The following DNAH7 variants were observed in gnomAD, a reference collection of about 807,000 sequenced individuals.
The protein encoded by DNAH7 is dynein axonemal heavy chain 7.
A neutral mutation model predicts 444.6 loss-of-function variants in DNAH7; 397 were observed. That is an observed-to-expected ratio of 0.89 (90% CI 0.82 to 0.97). The LOEUF is 0.97. Ranked by LOEUF, DNAH7 falls within the 50% of genes least tolerant of loss-of-function variation. The probability of loss-of-function intolerance (pLI) is 0.00; values close to 1 mark genes in which losing one functional copy is unlikely to be tolerated. For missense variants in DNAH7, 4,902 were observed against 4,800.8 expected, an observed-to-expected ratio of 1.02 and a Z score of -0.62; for synonymous variants, 1,636 against 1,624.4, an observed-to-expected ratio of 1.01 and a Z score of -0.17.
At chr2:196,058,437 G>T (rs1697944880) in intron 1 of DNAH7, among the ~76,000 whole-genome samples, 1 of 152,158 alleles carries the variant, frequency 6.6e-6, no homozygotes, top group Non-Finnish European at 1.5e-5. Context: ...CCGCACCCAG[G>T]ACTCTCCCAG....
intron 16 of DNAH7, among the ~76,000 whole-genome samples, chr2:195,971,877 G>C (rs1414967781): frequency 6.6e-6 from 1 of 152,012 alleles, no homozygotes; most frequent in Non-Finnish European, 1.5e-5. Flanking sequence ...ATTTCATCAA[G>C]GGAGCTTTGA....
intron 48 of DNAH7, among the ~76,000 whole-genome samples, chr2:195,832,454 T>C (rs1447124280): frequency 2.6e-5 from 4 of 151,992 alleles, no homozygotes; most frequent in Non-Finnish European, 5.9e-5. Context: ...CTTTTTTTTT[T>C]TTCTTTGAGA....
At chr2:195,739,414 C>T (rs917481642) in intron 64 of DNAH7, among the ~76,000 whole-genome samples, 2 of 150,598 alleles carry the variant, frequency 1.3e-5, no homozygotes. Flanking sequence ...AATCCCACTG[C>T]CTATATTTTA....
intron 64 of DNAH7, among the ~76,000 whole-genome samples, chr2:195,739,612 C>A (rs1692867853): frequency 6.6e-6 from 1 of 152,186 alleles, no homozygotes; most frequent in Non-Finnish European, 1.5e-5. Flanking sequence ...TTCACATTTT[C>A]AAGTCAAAGT....
intron 24 of DNAH7, among the ~76,000 whole-genome samples, chr2:195,912,940 G>A (rs182625593): frequency 5.3e-5 from 8 of 152,134 alleles, no homozygotes; most frequent in Non-Finnish European, 1.0e-4. Flanking sequence ...AAATTGGATG[G>A]GAGCTATTAT....
At position 196,025,421 on chromosome 2, in the gene DNAH7, C is replaced by T. The variant is rs531269203; in HGVS notation, c.668-917G>A. Among the ~76,000 whole-genome samples, 18 of 152,210 alleles carry T rather than the reference C, an allele frequency of 1.2e-4. No individual in the cohort carries two copies. The East Asian group carries it at 1.4e-3, about 11-fold the overall frequency. ...TCAGAGACTCTCCTTTACCTTTAAG[C>T]GCTCTAAAAAGGCATATAAAGCCCT... On this transcript the variant is annotated intron_variant, in intron 7 of 64. Coordinates refer to ENST00000312428, the MANE Select transcript of DNAH7 (RefSeq NM_018897.3).
intron 57 of DNAH7, among the ~76,000 whole-genome samples, chr2:195,789,508 C>G (rs1207686153): frequency 6.6e-6 from 1 of 152,060 alleles, no homozygotes; most frequent in Non-Finnish European, 1.5e-5. Flanking sequence ...TGGGTTGGGG[C>G]TGGATTTTGA....
intron 28 of DNAH7, among the ~76,000 whole-genome samples, chr2:195,900,032 A>C (rs985449474): frequency 6.6e-6 from 1 of 152,206 alleles, no homozygotes; most frequent in African/African-American, 2.4e-5. Flanking sequence ...CTCAGGAGTA[A>C]GCAATTTTAT....
chr2:196,050,448 A>G lies in DNAH7; in HGVS notation c.141+739T>C, dbSNP rs530527377. Reference sequence around the variant, plus strand: ...AATAATTATACAACAATGTGAATGTACTGAATGTCACTGAATACTTAAAAA... The same window carrying G: ...AATAATTATACAACAATGTGAATGTGCTGAATGTCACTGAATACTTAAAAA... On this transcript the variant is annotated intron_variant, in intron 3 of 64. Transcript: ENST00000312428. 3.3e-5 allele frequency among the ~76,000 whole-genome samples: 5 copies of G among 152,304 alleles called. No homozygotes were observed. In the East Asian group the frequency reaches 9.6e-4, roughly 29 times the overall value.
At chr2:196,038,089 C>T (rs1348422491) in intron 5 of DNAH7, among the ~76,000 whole-genome samples, 2 of 151,394 alleles carry the variant, frequency 1.3e-5, no homozygotes, top group East Asian at 3.9e-4. Flanking sequence ...AAGACCAAGA[C>T]AGAATAAGAC....
chr2:196,036,523 G>T (rs1696402595), intron 5 of DNAH7, among the ~76,000 whole-genome samples: 1 of 152,170 alleles, frequency 6.6e-6, no homozygotes, highest in South Asian at 2.1e-4. Context: ...ACCAAAGTGT[G>T]TACTCCCCAG....
chr2:195,873,668 G>C lies in DNAH7; in HGVS notation c.6313C>G (p.Arg2105Gly). 1 of 1,533,774 alleles carries C rather than the reference G, an allele frequency of 6.5e-7. No homozygotes were observed. The highest frequency in any genetic ancestry group is 8.7e-7 in the Non-Finnish European group (1 of 1,147,894). ...PGGGRNPVTP[R>G]YMRHFNIITI... ...ATAATATTGAAATGTCGCATGTATCGAGGAGTTACTGGATTTCGACCACCA... is the reference window on the plus strand; with the variant it reads ...ATAATATTGAAATGTCGCATGTATCCAGGAGTTACTGGATTTCGACCACCA... Residue 2105 changes from arginine (R) to glycine (G), a missense_variant, in exon 39 of 65, where the codon CGA becomes GGA. Coordinates refer to ENST00000312428, the MANE Select transcript of DNAH7 (RefSeq NM_018897.3).
intron 3 of DNAH7, among the ~76,000 whole-genome samples, chr2:196,049,935 AG>A (rs1337074503): frequency 6.6e-6 from 1 of 152,244 alleles, no homozygotes; most frequent in African/African-American, 2.4e-5. Flanking sequence ...GGGATTTTGC[AG>A]AACTAGAGAA....
At chr2:196,025,196 C>T (rs1322060127) in intron 7 of DNAH7, among the ~76,000 whole-genome samples, 2 of 152,024 alleles carry the variant, frequency 1.3e-5, no homozygotes, top group African/African-American at 2.4e-5. Context: ...CCTGTGGATA[C>T]CAAGGAACAA....
chr2:195,934,817 T>C, intron 20 of DNAH7, 28 bp from the exon 21 acceptor site: 2 of 1,610,220 alleles, frequency 1.2e-6, no homozygotes, highest in Non-Finnish European at 1.7e-6. Flanking sequence ...TTTAAGATAA[T>C]TAACCAAGTT....
At chr2:195,961,714 A>G (rs2125534419) in intron 17 of DNAH7, among the ~76,000 whole-genome samples, 1 of 152,332 alleles carries the variant, frequency 6.6e-6, no homozygotes, top group East Asian at 1.9e-4. Context: ...TTGTCTGTCT[A>G]GACACATTGA....
intron 1 of DNAH7, among the ~76,000 whole-genome samples, chr2:196,060,179 C>A (rs147917706): frequency 0.044 from 6,696 of 152,160 alleles, 340 homozygotes; most frequent in African/African-American, 0.12. Flanking sequence ...GATTGAGCCA[C>A]TGCACTCCAG....
At chr2:195,802,512 T>C (rs1406477853) in intron 54 of DNAH7, among the ~76,000 whole-genome samples, 1 of 151,854 alleles carries the variant, frequency 6.6e-6, no homozygotes, top group Non-Finnish European at 1.5e-5. Flanking sequence ...AAAAAATTTT[T>C]TTTAAGATTA....
Position 196,000,835 on chromosome 2 carries a change from G to T in DNAH7, c.1222C>A (p.Leu408Ile). 1 of 1,603,562 alleles carries T rather than the reference G, an allele frequency of 6.2e-7. No homozygotes were observed. ...EHPGFIMRLI[L>I]DNDTIKFEPE... Reference sequence around the variant, plus strand: ...TCAAACTTAATGGTGTCATTATCAAGAATCAGCCTCATGATGAAACCTGGA... The same window carrying T: ...TCAAACTTAATGGTGTCATTATCAATAATCAGCCTCATGATGAAACCTGGA... The change falls in exon 12 of 65, where the codon CTT becomes ATT. Residue 408 changes from leucine (L) to isoleucine (I), a missense_variant. By Grantham distance (5) the Leu-to-Ile change is conservative. Transcript: ENST00000312428.
Sources: gnomAD v4.1 joint callset for allele counts (sites outside exome capture counted in the v4.1 genomes callset) on GRCh38, gnomAD v4.1.1 for gene constraint, MANE v1.5 for transcripts, NCBI Gene and HGNC (gene_info 2026-07-23, HGNC 2026-07-21) for gene names.